Variants in NUP205 observed in about 807,000 individuals in gnomAD.
NUP205 encodes the protein nuclear pore complex protein Nup205.
A neutral mutation model predicts 253.8 loss-of-function variants in NUP205; 76 were observed. The ratio of observed to expected loss-of-function variants is 0.30; its 90% CI spans 0.25 to 0.36. The LOEUF (loss-of-function observed/expected upper bound fraction) is 0.36, where lower values mean the gene tolerates loss of function less well. Ranked by LOEUF, NUP205 falls within the 10% of genes least tolerant of loss-of-function variation. The pLI is 1.00. For synonymous variants in NUP205, 832 were observed against 850.1 expected, an observed-to-expected ratio of 0.98 and a Z score of 0.37; for missense variants, 2,162 against 2,425.5, an observed-to-expected ratio of 0.89 and a Z score of 2.28.
At chr7:135,589,639 A>C (rs1806569257) in intron 10 of NUP205, among the ~76,000 whole-genome samples, 3 of 151,376 alleles carry the variant, frequency 2.0e-5, no homozygotes, top group Admixed American at 2.0e-4. Flanking sequence ...CATTTAAAAA[A>C]TACGTTTTGA....
chr7:135,626,151 G>T, intron 32 of NUP205, 89 bp from the exon 33 acceptor site: 2 of 1,491,060 alleles, frequency 1.3e-6, no homozygotes, highest in South Asian at 1.2e-5. Context: ...AACTAAGGAT[G>T]AGAAATTTGC....
At chr7:135,586,784 T>C (rs1806475964) in intron 8 of NUP205, among the ~76,000 whole-genome samples, 1 of 152,214 alleles carries the variant, frequency 6.6e-6, no homozygotes. Flanking sequence ...AGAACACGCC[T>C]TGTAGAATTT....
Position 135,587,682 on chromosome 7 carries a change from A to C in NUP205, c.1326A>C (p.Leu442Phe), listed in dbSNP as rs1161344936. 1 of 1,596,452 alleles carries C rather than the reference A, an allele frequency of 6.3e-7. No homozygotes were observed. Among genetic ancestry groups the C allele is most frequent in the South Asian group, 1.1e-5 (1 of 88,840 alleles). ...CACTTAGAAGGGACCTGGAACACTT[A>C]ATGCTTTTGGTAAGCCATTATATTA... The part of the protein sequence containing the change: ...PISLRRDLEH[L>F]MLLIGELYKK... The change falls in exon 9 of 43, where the codon TTA (leucine) becomes TTC (phenylalanine). Residue 442 changes from leucine (L) to phenylalanine (F), a missense_variant. Transcript: ENST00000285968.
chr7:135,591,392 G>T (rs897438108), intron 10 of NUP205, 58 bp from the exon 11 acceptor site: 1 of 1,461,818 alleles, frequency 6.8e-7, no homozygotes, highest in African/African-American at 1.4e-5. Context: ...TAGCTAGTCC[G>T]TGTTGCCTTA....
intron 10 of NUP205, among the ~76,000 whole-genome samples, chr7:135,589,126 C>T (rs558417752): frequency 6.7e-6 from 1 of 149,662 alleles, no homozygotes; most frequent in South Asian, 2.1e-4. Flanking sequence ...GATGTGGTTA[C>T]GCCACTGCAC....
intron 19 of NUP205, 148 bp downstream of exon 19, chr7:135,604,608 C>T: frequency 2.8e-6 from 2 of 716,816 alleles, no homozygotes; most frequent in Non-Finnish European, 4.4e-6. Flanking sequence ...GGGTGAAAAC[C>T]TACCCACGAA....
At chr7:135,570,841 T>G in intron 1 of NUP205, among the ~76,000 whole-genome samples, 1 of 50,248 alleles carries the variant, frequency 2.0e-5, no homozygotes, top group Non-Finnish European at 4.1e-5. Context: ...TTATATATTA[T>G]ATATTACATA....
At chr7:135,574,463 A>C (rs1806093726) in intron 3 of NUP205, among the ~76,000 whole-genome samples, 1 of 152,138 alleles carries the variant, frequency 6.6e-6, no homozygotes, top group Non-Finnish European at 1.5e-5. Context: ...CTTGAGACCC[A>C]AATGATGAGA....
chr7:135,640,245 A>C (rs987896350), intron 38 of NUP205, among the ~76,000 whole-genome samples: 5 of 152,214 alleles, frequency 3.3e-5, no homozygotes, highest in African/African-American at 1.2e-4. Context: ...AAAATATATT[A>C]GTTTAGCAAC....
Position 135,603,013 on chromosome 7 carries a change from T to C in NUP205, c.2702+19T>C. On this transcript the variant is annotated intron_variant, in intron 18 of 42. Transcript: ENST00000285968. ...TTGCCAGGTAAGTTACCTTTGTAGG[T>C]AGAGAAATGAAGTAAACAGATAGAC... 1 of 1,579,886 alleles carries C rather than the reference T, an allele frequency of 6.3e-7. No homozygotes were observed. The highest frequency in any genetic ancestry group is 8.7e-7 in the Non-Finnish European group (1 of 1,153,328).
chr7:135,643,767 C>T (rs6975046), intron 39 of NUP205, among the ~76,000 whole-genome samples: 1,599 of 152,206 alleles, frequency 0.011, 32 homozygotes, highest in African/African-American at 0.036. Flanking sequence ...GACTTGACTG[C>T]CTTCCCTCAG....
chr7:135,633,320 G>T (rs551275704), intron 35 of NUP205, among the ~76,000 whole-genome samples: 3 of 152,206 alleles, frequency 2.0e-5, no homozygotes, highest in African/African-American at 7.2e-5. Flanking sequence ...GAGTGCAGTG[G>T]CATGATCATA....
intron 1 of NUP205, among the ~76,000 whole-genome samples, chr7:135,559,725 C>G (rs1047509487): frequency 2.0e-5 from 3 of 149,406 alleles, no homozygotes; most frequent in African/African-American, 7.4e-5. Context: ...GAGTCTCATC[C>G]TGTCCACCCA....
In NUP205 at chr7:135,570,081, A is replaced by AGAGAGG. The variant is rs1283203943; in HGVS notation, c.29-1019_29-1018insGGAGAG. 7.7e-3 allele frequency among the ~76,000 whole-genome samples: 1,157 copies of AGAGAGG among 149,544 alleles called. 4 individuals carry two copies. The highest frequency in any genetic ancestry group is 0.011 in the Non-Finnish European group (761 of 67,274). ...GAGAGAGAGAGAGAGAGAGAGAGAG[A>AGAGAGG]GAGAGAGAGAGAGAAACTGAAGTTT... On this transcript the variant is annotated intron_variant, in intron 1 of 42. Coordinates refer to ENST00000285968, the MANE Select transcript of NUP205 (RefSeq NM_015135.3).
intron 38 of NUP205, 89 bp downstream of exon 38, chr7:135,638,772 ATTTTC>A: frequency 7.4e-7 from 1 of 1,354,628 alleles, no homozygotes; most frequent in Non-Finnish European, 1.0e-6. Context: ...AAGATGCAGT[ATTTTC>A]TTTTAAGTGT....
At chr7:135,613,006 A>G (rs1311782697) in intron 22 of NUP205, among the ~76,000 whole-genome samples, 1 of 152,084 alleles carries the variant, frequency 6.6e-6, no homozygotes. Context: ...GGATCACTTT[A>G]GCCCAGGAGG....
chr7:135,576,208 T>C (rs1806146833), intron 3 of NUP205, 62 bp from the exon 4 acceptor site: 1 of 1,420,496 alleles, frequency 7.0e-7, no homozygotes, highest in Non-Finnish European at 9.9e-7. Context: ...ATATTGATTT[T>C]TGTCTCCTCC....
chr7:135,561,784 T>C (rs982274152), intron 1 of NUP205, among the ~76,000 whole-genome samples: 1 of 152,196 alleles, frequency 6.6e-6, no homozygotes, highest in Admixed American at 6.6e-5. Context: ...TCTCTCTTGC[T>C]CTTCCCTTTC....
intron 10 of NUP205, among the ~76,000 whole-genome samples, chr7:135,590,100 A>T (rs759868336): frequency 6.9e-6 from 1 of 144,878 alleles, no homozygotes; most frequent in Non-Finnish European, 1.6e-5. Flanking sequence ...CTATATTATT[A>T]TTTTATTTAT....
Sources: allele counts gnomAD v4.1 joint callset (sites outside exome capture counted in the v4.1 genomes callset), GRCh38; gene constraint gnomAD v4.1.1; transcripts MANE v1.5; gene names NCBI Gene and HGNC (gene_info 2026-07-23, HGNC 2026-07-21).